Variants in SATB1 observed in about 807,000 individuals in gnomAD.
The protein encoded by SATB1 is SATB homeobox 1.
In SATB1, 11 loss-of-function variants were observed where a neutral mutation model predicts 86.9. That is an observed-to-expected ratio of 0.13 (90% CI 0.08 to 0.21). The LOEUF is 0.21. Among genes scored for constraint, SATB1 ranks in the 10% least tolerant of loss-of-function variants. SATB1 has a pLI of 1.00. For missense variants in SATB1, 551 were observed against 937.6 expected (o/e 0.59, Z 5.39); for synonymous variants, 357 against 357.2 (o/e 1.00, Z 0.01).
chr3:18,440,959 A>T (rs1193255971), upstream of SATB1, among the ~76,000 whole-genome samples: 1 of 152,308 alleles, frequency 6.6e-6, no homozygotes, highest in East Asian at 1.9e-4. Context: ...AAGTTATCTG[A>T]TTTACTCGAG....
intron 5 of SATB1, among the ~76,000 whole-genome samples, chr3:18,403,323 A>G (rs1697362111): frequency 6.6e-6 from 1 of 152,090 alleles, no homozygotes; most frequent in African/African-American, 2.4e-5. Context: ...CAAGTTAAAA[A>G]CATTTTTTTC....
intron 7 of SATB1, among the ~76,000 whole-genome samples, chr3:18,392,284 C>A (rs1482003006): frequency 3.9e-5 from 6 of 152,008 alleles, no homozygotes; most frequent in Non-Finnish European, 8.8e-5. Flanking sequence ...GAAAATTTTG[C>A]CTTTCTTCCA....
At chr3:18,376,789 A>C (rs982910515) in intron 9 of SATB1, among the ~76,000 whole-genome samples, 3 of 152,204 alleles carry the variant, frequency 2.0e-5, no homozygotes, top group African/African-American at 7.2e-5. Context: ...ATTCCATGAG[A>C]GATTACGGTG....
At chr3:18,365,718 G>T (rs1034869845) in intron 9 of SATB1, among the ~76,000 whole-genome samples, 1 of 152,138 alleles carries the variant, frequency 6.6e-6, no homozygotes, top group Non-Finnish European at 1.5e-5. Context: ...ATGCTAATTT[G>T]CTCAGAAATA....
Position 18,444,824 on chromosome 3 carries a change from G to A in SATB1, c.-25+694C>T. 2 of 211,340 alleles carry A rather than the reference G, an allele frequency of 9.5e-6. No individual in the cohort carries two copies. The highest frequency in any genetic ancestry group is 1.6e-5 in the Non-Finnish European group (2 of 123,468). The allele number at this position is 211,340 out of a possible 1,614,324, so 13.1% of individuals were successfully genotyped here. A position where few individuals can be genotyped will look rare whatever the true frequency, so the allele number is the denominator to read the frequency against. ...CCATACGAAGTGGGCGTTTAAAGGG[G>A]AGAGCGAGGCGAGGAGCGAGCGAGC... On this transcript the variant is annotated intron_variant, in intron 1 of 3. Transcript: ENST00000415069. This position sits in a 1 kb window ranked among gnomAD's most constrained non-coding sequence, Gnocchi z 5.1.
intron 2 of SATB1, chr3:18,417,406 G>A: frequency 1.8e-6 from 1 of 558,520 alleles, no homozygotes; most frequent in South Asian, 2.4e-5. Flanking sequence ...AGAAATAAAT[G>A]TATCTTCTCT....
At chr3:18,365,898 T>C (rs540339192) in intron 9 of SATB1, among the ~76,000 whole-genome samples, 1 of 152,298 alleles carries the variant, frequency 6.6e-6, no homozygotes, top group East Asian at 1.9e-4. Flanking sequence ...CAAAAATTAA[T>C]TGCAAGCCAG....
intron 9 of SATB1, among the ~76,000 whole-genome samples, chr3:18,369,162 T>TA (rs200357255): frequency 0.026 from 3,105 of 120,046 alleles, 95 homozygotes; most frequent in African/African-American, 0.077. Flanking sequence ...AACTTTGCAT[T>TA]AAAAAAAAAA....
At chr3:18,363,943 A>T (rs183374466) in intron 9 of SATB1, among the ~76,000 whole-genome samples, 1 of 152,164 alleles carries the variant, frequency 6.6e-6, no homozygotes, top group Admixed American at 6.5e-5. Context: ...AATATCAGAG[A>T]AAAGGTTGTC....
intron 5 of SATB1, among the ~76,000 whole-genome samples, chr3:18,409,969 G>A (rs573351196): frequency 1.3e-5 from 2 of 151,982 alleles, no homozygotes; most frequent in African/African-American, 4.8e-5. Flanking sequence ...AAAACAAAGG[G>A]CTATTAGCAT....
At chr3:18,407,340 C>T (rs1158990372) in intron 5 of SATB1, among the ~76,000 whole-genome samples, 1 of 151,940 alleles carries the variant, frequency 6.6e-6, no homozygotes, top group Non-Finnish European at 1.5e-5. Flanking sequence ...ATAATATAGT[C>T]TTTTAATTTT....
chr3:18,393,599 G>A (rs1167825876), intron 7 of SATB1, among the ~76,000 whole-genome samples: 1 of 152,138 alleles, frequency 6.6e-6, no homozygotes, highest in Non-Finnish European at 1.5e-5. Context: ...ACAAAGGTGT[G>A]CACATTAGGG....
chr3:18,433,347 T>A (rs1486756906), intron 2 of SATB1, among the ~76,000 whole-genome samples: 2 of 152,120 alleles, frequency 1.3e-5, no homozygotes, highest in Non-Finnish European at 2.9e-5. Flanking sequence ...ATTGTCTACA[T>A]AAAAAGACTT....
At chr3:18,419,898 C>T (rs35301087) in intron 2 of SATB1, among the ~76,000 whole-genome samples, 5,281 of 152,246 alleles carry the variant, frequency 0.035, 109 homozygotes, top group Non-Finnish European at 0.055. Flanking sequence ...ATAAATGTTA[C>T]GCATCAAACA....
At chr3:18,422,545 C>T (rs1698444229) in intron 1 of SATB1, among the ~76,000 whole-genome samples, 1 of 152,096 alleles carries the variant, frequency 6.6e-6, no homozygotes, top group South Asian at 2.1e-4. Context: ...AATAAATGTG[C>T]CTTTTTAAAC....
chr3:18,399,831 G>A (rs1427461198), intron 5 of SATB1, among the ~76,000 whole-genome samples: 1 of 152,062 alleles, frequency 6.6e-6, no homozygotes, highest in Non-Finnish European at 1.5e-5. Context: ...CAGGTAACTT[G>A]GAGTCATGTC....
chr3:18,400,634 A>G (rs1377031294), intron 5 of SATB1, among the ~76,000 whole-genome samples: 1 of 152,200 alleles, frequency 6.6e-6, no homozygotes, highest in Non-Finnish European at 1.5e-5. Context: ...GAAATAATAG[A>G]TGTGATACAA....
At chr3:18,429,326 CCCAAACAA>C (rs1698814506), upstream of SATB1, among the ~76,000 whole-genome samples, 1 of 152,188 alleles carries the variant, frequency 6.6e-6, no homozygotes, top group Admixed American at 6.5e-5. The surrounding 1 kb of genome is among the most constrained non-coding windows in gnomAD (Gnocchi z 4.1). Context: ...GGGGCTGCAG[CCCAAACAA>C]CTTTGTCAAA....
At chr3:18,421,401 T>C (rs1326746748) in intron 1 of SATB1, 1 of 164,390 alleles carries the variant, frequency 6.1e-6, no homozygotes, top group Admixed American at 5.9e-5. Context: ...GATGGAAAGA[T>C]GATCATAGTT....
Sources: gnomAD v4.1 joint callset for allele counts (sites outside exome capture counted in the v4.1 genomes callset) on GRCh38, gnomAD v4.1.1 for gene constraint, Gnocchi (gnomAD v3.1) non-coding constraint, MANE v1.5 for transcripts, NCBI Gene and HGNC (gene_info 2026-07-23, HGNC 2026-07-21) for gene names.